Variants in TENM3 observed in about 807,000 individuals in gnomAD.
TENM3 encodes the protein teneurin transmembrane protein 3, also known as teneurin-3.
In TENM3, 63 loss-of-function variants were observed where a neutral mutation model predicts 255.1. The observed-to-expected ratio is 0.25, with a 90% CI of 0.20 to 0.30. The LOEUF is 0.30. TENM3 is among the 10% of genes least tolerant of loss of function. The pLI is 1.00. For synonymous variants in TENM3, 1,306 were observed against 1,322.3 expected (o/e 0.99, Z 0.27); for missense variants, 2,929 against 3,461.1 (o/e 0.85, Z 3.86).
At chr4:181,964,341 C>T in the TENM3 span, among the ~76,000 whole-genome samples, 3 of 152,172 alleles carry the variant, frequency 2.0e-5, no homozygotes, top group Admixed American at 2.0e-4. Context: ...TTTAGAACTT[C>T]AATCTCCGGT....
chr4:181,664,789 G>C, the TENM3 span, among the ~76,000 whole-genome samples: 1 of 152,144 alleles, frequency 6.6e-6, no homozygotes, highest in East Asian at 1.9e-4. Context: ...GGCTGTGCAA[G>C]CTGCACATTG....
chr4:182,648,533 A>C (rs1443452374), intron 5 of TENM3, among the ~76,000 whole-genome samples: 1 of 152,136 alleles, frequency 6.6e-6, no homozygotes, highest in Admixed American at 6.5e-5. Context: ...CGCCCACCTC[A>C]GCCTCACAAA....
chr4:182,496,449 A>C (rs919400143), intron 3 of TENM3, among the ~76,000 whole-genome samples: 1 of 152,124 alleles, frequency 6.6e-6, no homozygotes, highest in Admixed American at 6.5e-5. Context: ...GTTCTGGAAA[A>C]TCAGCCTTTA....
intron 3 of TENM3, among the ~76,000 whole-genome samples, chr4:182,535,696 C>T (rs986043137): frequency 8.6e-5 from 13 of 151,234 alleles, no homozygotes; most frequent in Admixed American, 6.6e-4. Flanking sequence ...GCTATGATCG[C>T]GCCACTGCAC....
rs74199039 is a variant in TENM3 at position 182,628,678 on chromosome 4, T to G, written c.777T>G (p.Gly259=). The change falls in exon 5 of 28, where the codon GGT becomes GGG. Residue 259 remains glycine (G), a synonymous_variant. Transcript: ENST00000511685. ...ATTTCCTATTCAAAACAGGAACAGG[T>G]ACAACGCCACTGTTCAGTACTGCAA... ...SRHFLFKTGT[G]TTPLFSTATP... is the part of the protein sequence containing the mutation. 0.078 allele frequency: 124,217 copies of G among 1,596,730 alleles called. 5,494 individuals are homozygous for G. The highest frequency in any genetic ancestry group is 0.14 in the East Asian group (6,286 of 44,270).
the TENM3 span, among the ~76,000 whole-genome samples, chr4:182,115,871 C>T: frequency 1.3e-5 from 2 of 152,072 alleles, no homozygotes; most frequent in African/African-American, 4.8e-5. Flanking sequence ...GCCAAAGTCA[C>T]CAGTTACGTT....
chr4:182,247,251 G>A (rs1309968705), intron 1 of TENM3, among the ~76,000 whole-genome samples: 1 of 152,204 alleles, frequency 6.6e-6, no homozygotes, highest in Non-Finnish European at 1.5e-5. Context: ...AGAATGGTGA[G>A]GAGTTTGGAA....
chr4:182,270,338 G>A (rs539967786), intron 1 of TENM3, among the ~76,000 whole-genome samples: 81 of 152,240 alleles, frequency 5.3e-4, no homozygotes, highest in African/African-American at 1.6e-3. Flanking sequence ...TATATTTGGG[G>A]GTAAAATATT....
At chr4:182,338,769 T>A (rs1337240970) in intron 2 of TENM3, among the ~76,000 whole-genome samples, 2 of 152,202 alleles carry the variant, frequency 1.3e-5, no homozygotes, top group Non-Finnish European at 2.9e-5. Context: ...TTCTTATTTT[T>A]ATTTTATTTA....
At chr4:182,270,523 G>C (rs1302091301) in intron 1 of TENM3, among the ~76,000 whole-genome samples, 1 of 152,190 alleles carries the variant, frequency 6.6e-6, no homozygotes, top group Non-Finnish European at 1.5e-5. Flanking sequence ...TAGGAGGCGT[G>C]TCTGACCTCC....
At chr4:181,781,134 A>G in the TENM3 span, among the ~76,000 whole-genome samples, 1 of 152,200 alleles carries the variant, frequency 6.6e-6, no homozygotes, top group East Asian at 1.9e-4. Context: ...TGAACTTTAA[A>G]GTAGTTTTTT....
intron 12 of TENM3, among the ~76,000 whole-genome samples, chr4:182,697,127 G>A (rs1757489170): frequency 6.6e-6 from 1 of 152,168 alleles, no homozygotes. Flanking sequence ...TCTTGTTGTT[G>A]TTGTTGCTGG....
chr4:182,292,281 G>A (rs1761179627), intron 1 of TENM3, among the ~76,000 whole-genome samples: 2 of 152,136 alleles, frequency 1.3e-5, no homozygotes, highest in Non-Finnish European at 2.9e-5. Flanking sequence ...CCCATGATTG[G>A]GGTGATGTTA....
At position 182,751,903 on chromosome 4, in the gene TENM3, A is replaced by T; in HGVS notation, c.3733A>T (p.Thr1245Ser). The T allele has an allele frequency of 1.2e-6, 2 of 1,613,888 alleles. No homozygotes were observed. Among genetic ancestry groups the T allele is most frequent in the Non-Finnish European group, 1.7e-6 (2 of 1,179,872 alleles). The change falls in exon 20 of 28, where the codon ACG becomes TCG. Residue 1245 changes from threonine (T) to serine (S), a missense_variant. Thr to Ser is a moderately conservative substitution (Grantham distance 58). Around this residue, in one of 6 missense-constraint regions of TENM3, gnomAD observed 1,608 missense variants for 1,884.4 expected, o/e 0.85. Coordinates refer to ENST00000511685, the MANE Select transcript of TENM3 (RefSeq NM_001080477.4). ...TRRIYRPKSL[T>S]GAKDLTKNAE... ...CAGAATTTATCGCCCAAAGTCACTTACGGGGGCAAAAGACTTGACTAAAAA... is the reference window on the plus strand; with the variant it reads ...CAGAATTTATCGCCCAAAGTCACTTTCGGGGGCAAAAGACTTGACTAAAAA...
intron 19 of TENM3, among the ~76,000 whole-genome samples, chr4:182,750,582 G>T (rs1435780332): frequency 6.6e-6 from 1 of 152,134 alleles, no homozygotes; most frequent in Non-Finnish European, 1.5e-5. Flanking sequence ...AACCTCATTG[G>T]TAATGAGGAG....
chr4:182,046,461 T>TGG, the TENM3 span, among the ~76,000 whole-genome samples: 1 of 151,874 alleles, frequency 6.6e-6, no homozygotes, highest in Non-Finnish European at 1.5e-5. Flanking sequence ...CCCAGCACTT[T>TGG]GGGAGGCTGA....
the TENM3 span, among the ~76,000 whole-genome samples, chr4:181,902,849 G>A: frequency 1.4e-3 from 212 of 152,280 alleles, no homozygotes; most frequent in South Asian, 7.9e-3. Flanking sequence ...GATATTCAAA[G>A]CATGTGCTCT....
the TENM3 span, among the ~76,000 whole-genome samples, chr4:181,945,498 C>T: frequency 6.6e-6 from 1 of 151,904 alleles, no homozygotes; most frequent in Non-Finnish European, 1.5e-5. Context: ...GACAAGAGCC[C>T]CTGCTGTCCT....
chr4:182,193,767 T>C (rs1753677179), intron 1 of TENM3, among the ~76,000 whole-genome samples: 1 of 152,230 alleles, frequency 6.6e-6, no homozygotes, highest in African/African-American at 2.4e-5. Flanking sequence ...GCAAGAATCA[T>C]GTTTTATTTT....
Sources: gnomAD v4.1 joint callset for allele counts (sites outside exome capture counted in the v4.1 genomes callset) on GRCh38, gnomAD v4.1.1 for gene constraint, gnomAD v4.1.1 regional missense constraint, MANE v1.5 for transcripts, NCBI Gene and HGNC (gene_info 2026-07-23, HGNC 2026-07-21) for gene names.